FAM193A: variants seen among roughly 807,000 people sequenced by gnomAD.
The protein encoded by FAM193A is protein FAM193A.
In FAM193A, 22 loss-of-function variants were observed where a neutral mutation model predicts 126.5. That is an observed-to-expected ratio of 0.17 (90% CI 0.12 to 0.25). FAM193A has a LOEUF of 0.25. Among genes scored for constraint, FAM193A ranks in the 10% least tolerant of loss-of-function variants. FAM193A has a pLI of 1.00. For missense variants in FAM193A, 1,675 were observed against 1,672.8 expected, an observed-to-expected ratio of 1.00 and a Z score of -0.02; for synonymous variants, 761 against 646.8, an observed-to-expected ratio of 1.18 and a Z score of -2.68.
intron 19 of FAM193A, among the ~76,000 whole-genome samples, chr4:2,709,322 TA>T (rs1452885351): frequency 6.6e-6 from 1 of 152,228 alleles, no homozygotes; most frequent in African/African-American, 2.4e-5. Context: ...ACATCTATAT[TA>T]TTTTTAGGAG....
At chr4:2,646,392 G>T (rs780911053) in intron 6 of FAM193A, among the ~76,000 whole-genome samples, 24 of 151,760 alleles carry the variant, frequency 1.6e-4, no homozygotes, top group Non-Finnish European at 3.1e-4. Context: ...TGCTGGTCTC[G>T]ATCTCCCGAC....
intron 1 of FAM193A, among the ~76,000 whole-genome samples, chr4:2,565,249 G>T (rs897833877): frequency 1.3e-5 from 1 of 78,458 alleles, no homozygotes; most frequent in Non-Finnish European, 2.5e-5. Flanking sequence ...CAATGATAGA[G>T]TAGCCTTTTT....
At chr4:2,630,820 G>A (rs1743488226) in intron 4 of FAM193A, 115 bp from the exon 5 acceptor site, 2 of 618,022 alleles carry the variant, frequency 3.2e-6, no homozygotes, top group African/African-American at 3.7e-5. Flanking sequence ...GAAGGTGACT[G>A]TGTGGTCATC....
At chr4:2,661,948 C>G (rs1712497849) in intron 10 of FAM193A, among the ~76,000 whole-genome samples, 1 of 152,132 alleles carries the variant, frequency 6.6e-6, no homozygotes, top group Non-Finnish European at 1.5e-5. Flanking sequence ...CTTTGGGAGG[C>G]CGAGGCGGGC....
In FAM193A at chr4:2,659,913, T is replaced by G. The variant is rs372722690; in HGVS notation, c.1604T>G (p.Val535Gly). The G allele has an allele frequency of 3.7e-6, 6 of 1,614,070 alleles. No individual in the cohort carries two copies. The highest frequency in any genetic ancestry group is 5.1e-6 in the Non-Finnish European group (6 of 1,180,044). Reference sequence around the variant, plus strand: ...CACATTCACCAGCTCCCACTTCAAGTGGATCCTGCTCCTGACTATCTTGCT... The same window carrying G: ...CACATTCACCAGCTCCCACTTCAAGGGGATCCTGCTCCTGACTATCTTGCT... ...DIHIHQLPLQVDPAPDYLAER... is the reference protein window; with the variant it reads ...DIHIHQLPLQGDPAPDYLAER... Residue 535 changes from valine (V) to glycine (G), a missense_variant, in exon 10 of 21, where the codon GTG becomes GGG. Val to Gly is a moderately radical substitution (Grantham distance 109). This residue lies in a region of FAM193A where 1,186 missense variants were observed against 1,109.2 expected (regional missense o/e 1.07). Transcript: ENST00000637812.
intron 1 of FAM193A, among the ~76,000 whole-genome samples, chr4:2,588,780 T>C (rs1240029551): frequency 6.6e-6 from 1 of 152,256 alleles, no homozygotes; most frequent in Non-Finnish European, 1.5e-5. Context: ...AATGACTGGT[T>C]ACTGTGATTT....
chr4:2,637,731 C>A (rs893977714), intron 5 of FAM193A, among the ~76,000 whole-genome samples: 7 of 152,318 alleles, frequency 4.6e-5, no homozygotes, highest in African/African-American at 1.2e-4. Context: ...GTTATTTGAG[C>A]CCCTCTATGC....
At chr4:2,717,146 A>G (rs923218456) in intron 20 of FAM193A, among the ~76,000 whole-genome samples, 3 of 151,860 alleles carry the variant, frequency 2.0e-5, no homozygotes, top group African/African-American at 7.3e-5. Context: ...CGCCTGGCTA[A>G]TTTTTGTATT....
At position 2,690,618 on chromosome 4, in the gene FAM193A, T is replaced by C. The variant is rs1577211848; in HGVS notation, c.2531-80T>C. On this transcript the variant is annotated intron_variant, in intron 14 of 20. Coordinates refer to ENST00000637812, the MANE Select transcript of FAM193A (RefSeq NM_001366318.2). ...CAGTAGCACCCCCAGTATCAAGTGT[T>C]CAGTCATCAGCATGTCTTTTAGGGT... 1.8e-5 allele frequency: 24 copies of C among 1,309,764 alleles called. No individual in the cohort carries two copies. In the South Asian group the frequency reaches 3.4e-4, roughly 19 times the overall value. The allele number at this position is 1,309,764 out of a possible 1,614,324, so 81.1% of individuals were successfully genotyped here.
At chr4:2,634,628 T>C (rs970015668) in intron 5 of FAM193A, among the ~76,000 whole-genome samples, 3 of 152,272 alleles carry the variant, frequency 2.0e-5, no homozygotes, top group Admixed American at 2.0e-4. Flanking sequence ...TGAAAAAATA[T>C]CAAAACTAGA....
intron 6 of FAM193A, among the ~76,000 whole-genome samples, chr4:2,644,909 T>C (rs1332227826): frequency 6.6e-6 from 1 of 152,230 alleles, no homozygotes; most frequent in African/African-American, 2.4e-5. Flanking sequence ...TTATAAATAA[T>C]TTAGTATTTC....
chr4:2,651,400 A>G (rs1182355023), intron 7 of FAM193A, among the ~76,000 whole-genome samples: 1 of 152,190 alleles, frequency 6.6e-6, no homozygotes, highest in African/African-American at 2.4e-5. Context: ...GATTTCATTG[A>G]TTCACAGTTC....
chr4:2,579,974 C>T (rs1739825679), intron 1 of FAM193A, among the ~76,000 whole-genome samples: 1 of 152,146 alleles, frequency 6.6e-6, no homozygotes, highest in South Asian at 2.1e-4. Flanking sequence ...AAGACACATG[C>T]ATGCGTGTGT....
Position 2,660,044 on chromosome 4 carries a change from G to A in FAM193A, c.1735G>A (p.Ala579Thr). The stretch of plus-strand genomic sequence containing the variant: ...GCTCATCCTCACAGACAGTGGCTCG[G>A]CACCAACTTTGTAAGTTGTGACTTT... ...PRLILTDSGS[A>T]PTFCSDDEDV... The change falls in exon 10 of 21, where the codon GCA (alanine) becomes ACA (threonine). Residue 579 changes from alanine (A) to threonine (T), a missense_variant. Transcript: ENST00000637812. 1 of 1,613,520 alleles carries A rather than the reference G, an allele frequency of 6.2e-7. No homozygotes were observed. Among genetic ancestry groups the A allele is most frequent in the Non-Finnish European group, 8.5e-7 (1 of 1,179,558 alleles).
At chr4:2,540,426 C>T (rs535833408) in intron 1 of FAM193A, among the ~76,000 whole-genome samples, 57 of 151,838 alleles carry the variant, frequency 3.8e-4, no homozygotes, top group African/African-American at 1.3e-3. Flanking sequence ...CGAGATGGCG[C>T]CACTGCACTC....
At chr4:2,679,860 ATT>A (rs35159259) in intron 13 of FAM193A, among the ~76,000 whole-genome samples, 8 of 144,080 alleles carry the variant, frequency 5.6e-5, no homozygotes, top group East Asian at 4.0e-4. Flanking sequence ...TTATTGGGTG[ATT>A]TTTTTTTTTT....
chr4:2,586,405 G>A (rs996021579), intron 1 of FAM193A, among the ~76,000 whole-genome samples: 4 of 151,868 alleles, frequency 2.6e-5, no homozygotes, highest in African/African-American at 4.8e-5. Context: ...TGATTTTTGT[G>A]TATGGTGTGA....
rs527350985 is a variant in FAM193A at position 2,729,161 on chromosome 4, G to A, written c.4455-2614G>A. Reference sequence around the variant, plus strand: ...TGAAGCTGGTGATCAGCAGCTTCCCGATAAGATCTCAGGAATTGGGCAAGT... The same window carrying A: ...TGAAGCTGGTGATCAGCAGCTTCCCAATAAGATCTCAGGAATTGGGCAAGT... On this transcript the variant is annotated intron_variant, in intron 20 of 20. Transcript: ENST00000637812. Among the ~76,000 whole-genome samples the A allele has an allele frequency of 3.9e-5, 6 of 152,180 alleles. No individual in the cohort carries two copies. In the South Asian group the frequency reaches 6.2e-4, roughly 16 times the overall value.
intron 1 of FAM193A, among the ~76,000 whole-genome samples, chr4:2,563,662 G>T (rs1738766474): frequency 6.6e-6 from 1 of 152,170 alleles, no homozygotes; most frequent in Non-Finnish European, 1.5e-5. Context: ...CACTTTCTGT[G>T]CAAGCTCTTC....
Sources: allele counts gnomAD v4.1 joint callset (sites outside exome capture counted in the v4.1 genomes callset), GRCh38; gene constraint gnomAD v4.1.1; regional missense constraint gnomAD v4.1.1; transcripts MANE v1.5; gene names NCBI Gene and HGNC (gene_info 2026-07-23, HGNC 2026-07-21).